The following FBN3 variants were observed in gnomAD, a reference collection of about 807,000 sequenced individuals.
FBN3 encodes the protein fibrillin 3.
FBN3 carries 234 observed loss-of-function variants against 330.1 expected under a neutral mutation model. The ratio of observed to expected loss-of-function variants is 0.71; its 90% CI spans 0.64 to 0.79. The LOEUF (loss-of-function observed/expected upper bound fraction) is 0.79, where lower values mean the gene tolerates loss of function less well. Among genes scored for constraint, FBN3 ranks in the 30% least tolerant of loss-of-function variants. FBN3 has a pLI of 0.00. For missense variants in FBN3, 3,606 were observed against 3,886.9 expected, an observed-to-expected ratio of 0.93 and a Z score of 1.92; for synonymous variants, 1,458 against 1,517.3, an observed-to-expected ratio of 0.96 and a Z score of 0.91.
Position 8,081,496 on chromosome 19 carries a change from G to C in FBN3, c.7214-16C>G, listed in dbSNP as rs748170135. ...TCATCCATATCTGGGGAAGGACAGC[G>C]TGGGTAGTGGGGCGGGGTTAGACAG... On this transcript the variant is annotated splice_polypyrimidine_tract_variant and intron_variant, in intron 57 of 63. Transcript: ENST00000600128. 1 of 1,590,416 alleles carries C rather than the reference G, an allele frequency of 6.3e-7. No homozygotes were observed. The highest frequency in any genetic ancestry group is 8.6e-7 in the Non-Finnish European group (1 of 1,169,116).
At chr19:8,110,082 G>T (rs2082542342) in intron 34 of FBN3, among the ~76,000 whole-genome samples, 1 of 152,178 alleles carries the variant, frequency 6.6e-6, no homozygotes, top group Non-Finnish European at 1.5e-5. Flanking sequence ...TAGAGACAGG[G>T]TCTTGCTGTG....
intron 30 of FBN3, 131 bp from the exon 31 acceptor site, chr19:8,112,230 TG>T (rs2082606295): frequency 3.3e-6 from 3 of 897,998 alleles, no homozygotes; most frequent in Non-Finnish European, 3.3e-6. Context: ...CCCATTCACC[TG>T]GGGAGCTTCC....
chr19:8,072,098 C>A lies in FBN3; in HGVS notation c.8038G>T (p.Gly2680Cys). 1 of 1,612,586 alleles carries A rather than the reference C, an allele frequency of 6.2e-7. No individual in the cohort carries two copies. The highest frequency in any genetic ancestry group is 8.5e-7 in the Non-Finnish European group (1 of 1,179,640). The change falls in exon 63 of 64, where the codon GGC becomes TGC. Residue 2680 changes from glycine to cysteine, a missense_variant. Gly to Cys is a radical substitution (Grantham distance 159). Coordinates refer to ENST00000600128, the MANE Select transcript of FBN3 (RefSeq NM_032447.5). Reference protein sequence around the residue: ...SEACYECKINGLSPRDRPRRS... With the variant: ...SEACYECKINCLSPRDRPRRS... ...CGTGGCCGGTCCCGAGGGGAGAGGC[C>A]ATTGATCTTGCATTCGTAGCAGGCT...
At chr19:8,082,353 C>G (rs567577317) in intron 57 of FBN3, among the ~76,000 whole-genome samples, 2,374 of 131,214 alleles carry the variant, frequency 0.018, 32 homozygotes, top group Admixed American at 0.032. Flanking sequence ...CTTTTTGTCT[C>G]TCTCTCTTTC....
chr19:8,085,254 CA>C, intron 56 of FBN3, 108 bp downstream of exon 56: 1 of 868,130 alleles, frequency 1.2e-6, no homozygotes, highest in African/African-American at 1.8e-5. Flanking sequence ...CACACACACA[CA>C]CAGTGTGGCT....
At chr19:8,074,701 G>A (rs2081598930) in intron 61 of FBN3, 1 of 190,266 alleles carries the variant, frequency 5.3e-6, no homozygotes, top group African/African-American at 2.3e-5. Flanking sequence ...GACATAGCAT[G>A]CACACCTCCA....
Position 8,089,587 on chromosome 19 carries a change from G to C in FBN3, c.6334C>G (p.Pro2112Ala), listed in dbSNP as rs771232027. 6.2e-7 allele frequency: 1 copy of C among 1,614,198 alleles called. No individual in the cohort carries two copies. The highest frequency in any genetic ancestry group is 2.2e-5 in the East Asian group (1 of 44,892). The change falls in exon 51 of 64, where the codon CCC becomes GCC. Residue 2112 changes from proline to alanine, a missense_variant. Physicochemically the swap from Pro to Ala is conservative, Grantham distance 27. Coordinates refer to ENST00000600128, the MANE Select transcript of FBN3 (RefSeq NM_032447.5). The stretch of plus-strand genomic sequence containing the variant: ...GTGAAGTCCAGGCTGTAGCCAAAGG[G>C]ACACTCACAGCGGAAGGATCCATCG... ...NTDGSFRCEC[P>A]FGYSLDFTGI...
At chr19:8,087,055 A>G in intron 54 of FBN3, 22 bp downstream of exon 54, 2 of 1,600,274 alleles carry the variant, frequency 1.2e-6, no homozygotes, top group South Asian at 1.1e-5. Flanking sequence ...TCCTGCACCC[A>G]TGAAGCTCCA....
intron 47 of FBN3, among the ~76,000 whole-genome samples, chr19:8,093,465 T>C (rs948065634): frequency 4.0e-5 from 6 of 151,336 alleles, no homozygotes; most frequent in Middle Eastern, 3.5e-3. Context: ...CTACTAAAAA[T>C]ACAAAAAAAT....
chr19:8,083,621 G>A (rs1350381238), intron 56 of FBN3, among the ~76,000 whole-genome samples: 2 of 151,152 alleles, frequency 1.3e-5, no homozygotes, highest in African/African-American at 4.9e-5. Context: ...CCTCAACAGC[G>A]ACACCTCCTC....
At chr19:8,111,624 G>GCC in intron 32 of FBN3, 24 bp downstream of exon 32, 7 of 1,453,536 alleles carry the variant, frequency 4.8e-6, no homozygotes, top group East Asian at 2.5e-5. Flanking sequence ...TAGGGCCCCT[G>GCC]CCCTCCCACC....
In FBN3 at chr19:8,131,780, G is replaced by T. The variant is rs750873632; in HGVS notation, c.1764C>A (p.Thr588=). ...GGCAGCGGAAGGAGCCCTCGGTGTTGGTACAGTGGCCGTTCACGCAGATGC... is the reference window on the plus strand; with the variant it reads ...GGCAGCGGAAGGAGCCCTCGGTGTTTGTACAGTGGCCGTTCACGCAGATGC... ...TPGICVNGHC[T]NTEGSFRCQC... The change falls in exon 15 of 64, where the codon ACC becomes ACA. Residue 588 remains threonine, a synonymous_variant. Coordinates refer to ENST00000600128, the MANE Select transcript of FBN3 (RefSeq NM_032447.5). This position sits in a 1 kb window ranked among gnomAD's most constrained non-coding sequence, Gnocchi z 4.5. The T allele has an allele frequency of 2.5e-6, 4 of 1,611,594 alleles. No individual in the cohort carries two copies. The South Asian group carries it at 4.4e-5, about 18-fold the overall frequency.
At chr19:8,088,950 G>A (rs1568376957) in intron 51 of FBN3, among the ~76,000 whole-genome samples, 1 of 152,130 alleles carries the variant, frequency 6.6e-6, no homozygotes, top group African/African-American at 2.4e-5. Context: ...GAATGAACAA[G>A]TGAATGAATG....
chr19:8,109,044 G>A lies in FBN3; in HGVS notation c.4618+183C>T, dbSNP rs1308824024. Among the ~76,000 whole-genome samples the A allele has an allele frequency of 2.0e-5, 3 of 152,158 alleles. No homozygotes were observed. Among genetic ancestry groups the A allele is most frequent in the Non-Finnish European group, 4.4e-5 (3 of 68,042 alleles). The stretch of plus-strand genomic sequence containing the variant: ...TTTACAGAAAGCGACCTTGGAGAGA[G>A]GCCCAGCCAATGAACTACCAAGACG... On this transcript the variant is annotated intron_variant, in intron 36 of 63. Transcript: ENST00000600128. The surrounding 1 kb of genome is among the most constrained non-coding windows in gnomAD (Gnocchi z 5.2).
chr19:8,087,356 GC>G, intron 53 of FBN3, 145 bp from the exon 54 acceptor site: 5 of 922,358 alleles, frequency 5.4e-6, no homozygotes, highest in Non-Finnish European at 6.2e-6. Flanking sequence ...TAGGAAGGGA[GC>G]CCCCAGCTCC....
rs1400752800 is a variant in FBN3 at position 8,065,459 on chromosome 19, T to A, written c.*460A>T. On this transcript the variant is annotated 3_prime_UTR_variant, in exon 64 of 64. Coordinates refer to ENST00000600128, the MANE Select transcript of FBN3 (RefSeq NM_032447.5). ...TTTTGATATAAAAGCATTCTCCAAA[T>A]GGGGGGCAAATGTGGCAAGTCACTG... 1.8e-5 allele frequency: 3 copies of A among 163,954 alleles called. No individual in the cohort carries two copies. Among genetic ancestry groups the A allele is most frequent in the Non-Finnish European group, 3.9e-5 (3 of 76,522 alleles). The allele number at this position is 163,954 out of a possible 1,614,324, so 10.2% of individuals were successfully genotyped here.
At chr19:8,075,223 C>A in intron 60 of FBN3, 33 bp from the exon 61 acceptor site, 1 of 1,575,086 alleles carries the variant, frequency 6.3e-7, no homozygotes. Flanking sequence ...GAGGGTTTAC[C>A]AGACGGCTCT....
chr19:8,085,091 G>A (rs1467139340), intron 56 of FBN3, among the ~76,000 whole-genome samples: 1 of 152,056 alleles, frequency 6.6e-6, no homozygotes, highest in East Asian at 1.9e-4. Context: ...CTCCAGCCTG[G>A]GTGTCAAAGT....
chr19:8,076,396 G>C (rs2081642562), intron 59 of FBN3, among the ~76,000 whole-genome samples: 1 of 152,016 alleles, frequency 6.6e-6, no homozygotes, highest in South Asian at 2.1e-4. Flanking sequence ...GCTTTGGGAG[G>C]CCTAGGGAGC....
Sources: allele counts gnomAD v4.1 joint callset (sites outside exome capture counted in the v4.1 genomes callset), GRCh38; gene constraint gnomAD v4.1.1; non-coding constraint Gnocchi (gnomAD v3.1); transcripts MANE v1.5; gene names NCBI Gene and HGNC (gene_info 2026-07-23, HGNC 2026-07-21).